The following E2F5 variants were observed in gnomAD, a reference collection of about 807,000 sequenced individuals.
The protein encoded by E2F5 is transcription factor E2F5.
E2F5 carries 23 observed loss-of-function variants against 39.1 expected under a neutral mutation model. The observed-to-expected ratio is 0.59, with a 90% CI of 0.42 to 0.83. The LOEUF is 0.83. E2F5 is among the 40% of genes least tolerant of loss of function. The pLI, the probability that E2F5 is intolerant of heterozygous loss-of-function variation, is 0.00. For missense variants in E2F5, 365 were observed against 406.7 expected, an observed-to-expected ratio of 0.90 and a Z score of 0.88; for synonymous variants, 145 against 157.8, an observed-to-expected ratio of 0.92 and a Z score of 0.61.
At chr8:85,208,987 C>T (rs1812857563) in intron 5 of E2F5, among the ~76,000 whole-genome samples, 155 bp from the exon 6 acceptor site, 1 of 152,138 alleles carries the variant, frequency 6.6e-6, no homozygotes, top group Non-Finnish European at 1.5e-5. Context: ...TTACATTCTA[C>T]TCTATGTCTC....
chr8:85,212,274 A>T (rs1383108317), intron 7 of E2F5, 70 bp downstream of exon 7: 7 of 1,173,198 alleles, frequency 6.0e-6, no homozygotes, highest in Non-Finnish European at 7.5e-6. Context: ...GTGAAACATG[A>T]TTTAAAAGAA....
intron 1 of E2F5, among the ~76,000 whole-genome samples, chr8:85,182,197 G>T (rs1437092959): frequency 6.6e-6 from 1 of 152,048 alleles, no homozygotes; most frequent in African/African-American, 2.4e-5. Flanking sequence ...TTCAAGCTAC[G>T]TGGTTTGCCA....
At chr8:85,181,544 C>T (rs185425964) in intron 1 of E2F5, among the ~76,000 whole-genome samples, 1,814 of 148,818 alleles carry the variant, frequency 0.012, 46 homozygotes, top group African/African-American at 0.043. Flanking sequence ...GGGGTTTCAC[C>T]GTGTTAGAAT....
chr8:85,190,851 C>A (rs1456818563), intron 1 of E2F5, among the ~76,000 whole-genome samples: 1 of 151,930 alleles, frequency 6.6e-6, no homozygotes, highest in Admixed American at 6.6e-5. Flanking sequence ...CTGTTGTAAT[C>A]AAAAAGTTCT....
rs1022176021 is a variant in E2F5, at chr8:85,214,262, T to A, written c.*400T>A. The A allele has an allele frequency of 1.8e-6, 1 of 562,422 alleles. No individual in the cohort carries two copies. The highest frequency in any genetic ancestry group is 1.9e-5 in the African/African-American group (1 of 53,718). 34.8% of individuals were successfully genotyped at this position (562,422 alleles called of 1,614,324 possible). On this transcript the variant is annotated 3_prime_UTR_variant, in exon 8 of 8. Transcript: ENST00000416274. Reference sequence around the variant, plus strand: ...CCACTAAACTGCCTGTATTTCTGTATGTCCTTCTATCCAAACAGACGTTCA... The same window carrying A: ...CCACTAAACTGCCTGTATTTCTGTAAGTCCTTCTATCCAAACAGACGTTCA...
At chr8:85,198,387 T>G (rs1475763460) in intron 1 of E2F5, among the ~76,000 whole-genome samples, 1 of 151,902 alleles carries the variant, frequency 6.6e-6, no homozygotes, top group African/African-American at 2.4e-5. Flanking sequence ...TCCCTAAAAA[T>G]ATTGCCCCAT....
intron 1 of E2F5, among the ~76,000 whole-genome samples, chr8:85,191,925 A>C (rs900005907): frequency 6.6e-6 from 1 of 152,202 alleles, no homozygotes; most frequent in Non-Finnish European, 1.5e-5. Flanking sequence ...GTCAGAGCCA[A>C]GAGGTAGAGA....
rs1563986483 is a variant in E2F5, at chr8:85,214,516, C to G, written c.*654C>G. 1.6e-6 allele frequency: 2 copies of G among 1,256,226 alleles called. No individual in the cohort carries two copies. The highest frequency in any genetic ancestry group is 1.5e-5 in the African/African-American group (1 of 66,638). 77.8% of individuals were successfully genotyped at this position (1,256,226 alleles called of 1,614,324 possible). A position where few individuals can be genotyped will look rare whatever the true frequency, so the allele number is the denominator to read the frequency against. On this transcript the variant is annotated 3_prime_UTR_variant, in exon 8 of 8. Coordinates refer to ENST00000416274, the MANE Select transcript of E2F5 (RefSeq NM_001951.4). The stretch of plus-strand genomic sequence containing the variant: ...TAAAAATAAAATTGTATAAAACATT[C>G]AATTTATTGGTCTTTGTGGAGAATT...
chr8:85,191,810 C>T (rs1812472540), intron 1 of E2F5, among the ~76,000 whole-genome samples: 1 of 152,174 alleles, frequency 6.6e-6, no homozygotes, highest in African/African-American at 2.4e-5. Flanking sequence ...GGACTGTCTT[C>T]TGTGTTACCA....
At chr8:85,197,925 G>A (rs201995317) in intron 1 of E2F5, among the ~76,000 whole-genome samples, 3 of 151,972 alleles carry the variant, frequency 2.0e-5, no homozygotes, top group South Asian at 2.1e-4. Context: ...ACTACAAAGG[G>A]GCCAGTAGTG....
At chr8:85,182,398 A>G (rs1179857974) in intron 1 of E2F5, among the ~76,000 whole-genome samples, 1 of 152,252 alleles carries the variant, frequency 6.6e-6, no homozygotes, top group Non-Finnish European at 1.5e-5. Context: ...TGTACAGTAG[A>G]AAGTGAGAGC....
At position 85,202,231 on chromosome 8, in the gene E2F5, A is replaced by G. The variant is rs780986019; in HGVS notation, c.319A>G (p.Lys107Glu). 1 of 1,611,654 alleles carries G rather than the reference A, an allele frequency of 6.2e-7. No homozygotes were observed. The highest frequency in any genetic ancestry group is 1.1e-5 in the South Asian group (1 of 90,320). Residue 107 changes from lysine to glutamate, a missense_variant, in exon 2 of 8, where the codon AAG becomes GAG. Lys to Glu is a moderately conservative substitution (Grantham distance 56). Coordinates refer to ENST00000416274, the MANE Select transcript of E2F5 (RefSeq NM_001951.4). ...AGAGGGAATTGACTTGATTGAAAAA[A>G]AGTCAAAAAACAGTATCCAGTGGAA... is the stretch of plus-strand genomic sequence containing the variant. ...VLEGIDLIEK[K>E]SKNSIQWKGV...
At chr8:85,179,872 G>A (rs1812162497) in intron 1 of E2F5, among the ~76,000 whole-genome samples, 1 of 152,152 alleles carries the variant, frequency 6.6e-6, no homozygotes, top group Non-Finnish European at 1.5e-5. Flanking sequence ...GTGTTAGCTA[G>A]GATGGTCTCG....
intron 1 of E2F5, among the ~76,000 whole-genome samples, chr8:85,180,154 G>C (rs1403351521): frequency 6.6e-6 from 1 of 151,834 alleles, no homozygotes; most frequent in African/African-American, 2.4e-5. Flanking sequence ...CCAAGTAGCT[G>C]GGATTACAGG....
At chr8:85,207,522 G>C in intron 5 of E2F5, 33 bp downstream of exon 5, 3 of 1,495,596 alleles carry the variant, frequency 2.0e-6, no homozygotes, top group Non-Finnish European at 2.7e-6. Flanking sequence ...ATATAAGTGG[G>C]AAAAATGAAT....
At chr8:85,190,532 C>T (rs555738726) in intron 1 of E2F5, among the ~76,000 whole-genome samples, 186 of 104,430 alleles carry the variant, frequency 1.8e-3, no homozygotes, top group African/African-American at 6.5e-3. Flanking sequence ...GAGATGGAGT[C>T]TCGCTCTGTC....
chr8:85,212,323 C>A, intron 7 of E2F5, 119 bp downstream of exon 7: 1 of 717,814 alleles, frequency 1.4e-6, no homozygotes, highest in Non-Finnish European at 2.3e-6. Flanking sequence ...TATGAAGATT[C>A]ATGAAAATTC....
intron 1 of E2F5, among the ~76,000 whole-genome samples, chr8:85,179,178 G>T (rs1384043684): frequency 6.6e-6 from 1 of 152,204 alleles, no homozygotes; most frequent in Non-Finnish European, 1.5e-5. Context: ...ATGTTACAAA[G>T]CACAGGTGGC....
At chr8:85,199,856 A>G (rs1437566800) in intron 1 of E2F5, among the ~76,000 whole-genome samples, 1 of 152,202 alleles carries the variant, frequency 6.6e-6, no homozygotes, top group Non-Finnish European at 1.5e-5. Flanking sequence ...TGAAAAAGGA[A>G]ATGAGGCTTA....
Sources: allele counts gnomAD v4.1 joint callset (sites outside exome capture counted in the v4.1 genomes callset), GRCh38; gene constraint gnomAD v4.1.1; transcripts MANE v1.5; gene names NCBI Gene and HGNC (gene_info 2026-07-23, HGNC 2026-07-21).